The following TBC1D1 variants were observed in gnomAD, a reference collection of about 807,000 sequenced individuals.
TBC1D1 encodes the protein TBC1 domain family member 1.
Under a neutral mutation model 125.6 loss-of-function variants are expected in TBC1D1, and 89 were observed. The observed-to-expected ratio is 0.71, with a 90% confidence interval of 0.60 to 0.85. The LOEUF (loss-of-function observed/expected upper bound fraction) is 0.85, where lower values mean the gene tolerates loss of function less well. TBC1D1 is among the 40% of genes least tolerant of loss of function. The probability of loss-of-function intolerance (pLI) is 0.00; values close to 1 mark genes in which losing one functional copy is unlikely to be tolerated. For synonymous variants in TBC1D1, 565 were observed against 564.1 expected, an observed-to-expected ratio of 1.00 and a Z score of -0.02; for missense variants, 1,377 against 1,469.2, an observed-to-expected ratio of 0.94 and a Z score of 1.03.
In TBC1D1 at chr4:38,011,769, T is replaced by C. The variant is rs78514569; in HGVS notation, c.418-2740T>C. On this transcript the variant is annotated intron_variant, in intron 2 of 19. Transcript: ENST00000261439. ...ACTAAAGTGTGTCTTTTTAAGATTC[T>C]GAGTAAAGGATAGGAGAGATTGGTC... Among the ~76,000 whole-genome samples the C allele has an allele frequency of 3.0e-3, 461 of 152,322 alleles. 2 individuals are homozygous for C. Among genetic ancestry groups the C allele is most frequent in the Admixed American group, 0.013 (197 of 15,306 alleles).
chr4:37,935,345 T>G (rs1307994099), intron 2 of TBC1D1, among the ~76,000 whole-genome samples: 1 of 152,164 alleles, frequency 6.6e-6, no homozygotes, highest in African/African-American at 2.4e-5. Flanking sequence ...AAACTGAACA[T>G]GCTCAACTGA....
chr4:37,983,146 C>G (rs551572494), intron 2 of TBC1D1, among the ~76,000 whole-genome samples: 1 of 126,718 alleles, frequency 7.9e-6, no homozygotes, highest in African/African-American at 3.1e-5. Context: ...TTTTTTCAGA[C>G]GGAGTCTCGC....
chr4:37,922,277 T>C (rs985572979), intron 2 of TBC1D1, among the ~76,000 whole-genome samples: 3 of 152,246 alleles, frequency 2.0e-5, no homozygotes, highest in Non-Finnish European at 4.4e-5. Flanking sequence ...CAGATTCCTA[T>C]GTGCCTTGTA....
intron 16 of TBC1D1, among the ~76,000 whole-genome samples, chr4:38,116,842 A>G (rs754503026): frequency 6.6e-6 from 1 of 152,226 alleles, no homozygotes; most frequent in Non-Finnish European, 1.5e-5. Flanking sequence ...TCTAGAGAGT[A>G]TCCTGGGAGG....
intron 17 of TBC1D1, chr4:38,118,455 G>C: frequency 2.5e-6 from 1 of 406,582 alleles, no homozygotes; most frequent in South Asian, 2.9e-5. Context: ...CTCACCATGA[G>C]GGTCTCCCTA....
At chr4:37,989,635 TTAAACA>T (rs1468056271) in intron 2 of TBC1D1, among the ~76,000 whole-genome samples, 1 of 152,248 alleles carries the variant, frequency 6.6e-6, no homozygotes, top group Non-Finnish European at 1.5e-5. Context: ...TCTGCATGAA[TTAAACA>T]TAAACCCTGT....
chr4:38,123,851 C>T (rs988792463), intron 17 of TBC1D1, among the ~76,000 whole-genome samples: 3 of 152,234 alleles, frequency 2.0e-5, no homozygotes, highest in African/African-American at 4.8e-5. Flanking sequence ...GTGCTTTGTT[C>T]AGAAACTACA....
intron 2 of TBC1D1, among the ~76,000 whole-genome samples, chr4:37,947,274 A>G (rs983876325): frequency 5.9e-5 from 9 of 152,182 alleles, no homozygotes; most frequent in African/African-American, 1.9e-4. Flanking sequence ...CTCCTGCCTC[A>G]GCCTCCTGAA....
rs757133766 is a variant in TBC1D1, at chr4:38,052,202, CGT to C, written c.1911-1990_1911-1989del. ...GTGTGTGTGTGTGTGTGTGCGCGCG[CGT>C]GTGTGTCTTTGTTTATATTTTGTCT... is the stretch of plus-strand genomic sequence containing the variant. On this transcript the variant is annotated intron_variant, in intron 11 of 19. Transcript: ENST00000261439. The C allele has an allele frequency of 1.1e-3, 709 of 628,034 alleles. 2 individuals carry two copies. Among genetic ancestry groups the C allele is most frequent in the African/African-American group, 5.7e-3 (215 of 37,964 alleles). The allele number at this position is 628,034 out of a possible 1,614,324, so 38.9% of individuals were successfully genotyped here. A position where few individuals can be genotyped will look rare whatever the true frequency, so the allele number is the denominator to read the frequency against.
chr4:38,016,412 C>G (rs375928432), intron 3 of TBC1D1, among the ~76,000 whole-genome samples: 1 of 152,204 alleles, frequency 6.6e-6, no homozygotes, highest in Non-Finnish European at 1.5e-5. Flanking sequence ...ATTCTTCCCT[C>G]GAGTTGTCAC....
rs1221094031 is a variant in TBC1D1, at chr4:38,115,938, A to G, written c.2786A>G (p.Asp929Gly). 1.9e-6 allele frequency: 3 copies of G among 1,614,048 alleles called. No individual in the cohort carries two copies. Among genetic ancestry groups the G allele is most frequent in the Non-Finnish European group, 2.5e-6 (3 of 1,180,028 alleles). The stretch of plus-strand genomic sequence containing the variant: ...GGGCTGCGGAAACAGTATCGGCCAG[A>G]CATGATTATTTTACAGGTATAGAGT... Residue 929 changes from aspartate to glycine, a missense_variant, in exon 16 of 20, where the codon GAC becomes GGC. This residue lies in a region of TBC1D1 where 543 missense variants were observed against 613.5 expected (regional missense o/e 0.89). Transcript: ENST00000261439.
Position 38,080,301 on chromosome 4 carries a change from A to T in TBC1D1, c.2051-9631A>T, listed in dbSNP as rs1171877263. The stretch of plus-strand genomic sequence containing the variant: ...ATGTTGGGTGGTCTGACATCTTTTA[A>T]AAAAAATCCACGTGGATGAGATCAC... On this transcript the variant is annotated intron_variant, in intron 12 of 19. Coordinates refer to ENST00000261439, the MANE Select transcript of TBC1D1 (RefSeq NM_015173.4). Among the ~76,000 whole-genome samples the T allele has an allele frequency of 5.7e-5, 3 of 52,290 alleles. No individual in the cohort carries two copies. In the African/African-American group the frequency reaches 6.1e-4, roughly 11 times the overall value. The allele number at this position is 52,290 out of a possible 152,430, so 34.3% of individuals were successfully genotyped here.
intron 14 of TBC1D1, among the ~76,000 whole-genome samples, chr4:38,101,875 C>T (rs967693905): frequency 1.3e-5 from 2 of 152,170 alleles, no homozygotes; most frequent in African/African-American, 2.4e-5. Context: ...GAATCACTCT[C>T]GGTTCCCTCT....
At chr4:38,125,865 T>C (rs1432045292) in intron 18 of TBC1D1, among the ~76,000 whole-genome samples, 9 of 152,320 alleles carry the variant, frequency 5.9e-5, no homozygotes, top group African/African-American at 2.2e-4. Flanking sequence ...AGGGGCATCA[T>C]TGGAAGTGTC....
At chr4:37,979,977 C>G (rs997484287) in intron 2 of TBC1D1, among the ~76,000 whole-genome samples, 1 of 152,080 alleles carries the variant, frequency 6.6e-6, no homozygotes, top group South Asian at 2.1e-4. Flanking sequence ...CAGGGTTTCT[C>G]CATGTTGGTC....
At chr4:37,915,873 C>T (rs1444875044) in intron 2 of TBC1D1, among the ~76,000 whole-genome samples, 3 of 152,176 alleles carry the variant, frequency 2.0e-5, no homozygotes, top group Non-Finnish European at 4.4e-5. Context: ...TAATGGTCAT[C>T]ATCTCTCAGC....
intron 16 of TBC1D1, among the ~76,000 whole-genome samples, chr4:38,117,754 T>C (rs1161385548): frequency 6.6e-6 from 1 of 152,210 alleles, no homozygotes; most frequent in Non-Finnish European, 1.5e-5. Flanking sequence ...TTTTTAGATC[T>C]TCTTAGTGGA....
At chr4:38,118,433 T>TACAC in intron 17 of TBC1D1, 1 of 515,316 alleles carries the variant, frequency 1.9e-6, no homozygotes, top group South Asian at 2.3e-5. Flanking sequence ...CCGATCCGTG[T>TACAC]AGATCCGATC....
At position 38,125,293 on chromosome 4, in the gene TBC1D1, C is replaced by T. The variant is rs147757322; in HGVS notation, c.3132+162C>T. On this transcript the variant is annotated intron_variant, in intron 18 of 19. Coordinates refer to ENST00000261439, the MANE Select transcript of TBC1D1 (RefSeq NM_015173.4). ...GCATATCACAAACGTGTGGAATGAT[C>T]GTGAGTGTGTGTGTTGTGAGCGTCA... Among the ~76,000 whole-genome samples the T allele has an allele frequency of 7.2e-5, 11 of 152,140 alleles. No homozygotes were observed. The East Asian group carries it at 1.9e-3, about 27-fold the overall frequency.
Sources: allele counts gnomAD v4.1 joint callset (sites outside exome capture counted in the v4.1 genomes callset), GRCh38; gene constraint gnomAD v4.1.1; regional missense constraint gnomAD v4.1.1; transcripts MANE v1.5; gene names NCBI Gene and HGNC (gene_info 2026-07-23, HGNC 2026-07-21).